The following GABBR1 variants were observed in gnomAD, a reference collection of about 807,000 sequenced individuals.
GABBR1 encodes the protein GABA-B receptor, R1 subunit.
A neutral mutation model predicts 117.7 loss-of-function variants in GABBR1; 35 were observed. That is an observed-to-expected ratio of 0.30 (90% confidence interval 0.23 to 0.39). The LOEUF (loss-of-function observed/expected upper bound fraction) is 0.39, where lower values mean the gene tolerates loss of function less well. GABBR1 is among the 10% of genes least tolerant of loss of function. GABBR1 has a pLI of 1.00. For missense variants in GABBR1, 709 were observed against 1,241.8 expected, an observed-to-expected ratio of 0.57 and a Z score of 6.45; for synonymous variants, 442 against 486.6, an observed-to-expected ratio of 0.91 and a Z score of 1.21.
Position 29,621,930 on chromosome 6 carries a change from C to T in GABBR1, c.1066-113G>A, listed in dbSNP as rs1317932996. 5 of 1,139,712 alleles carry T rather than the reference C, an allele frequency of 4.4e-6. No homozygotes were observed. The highest frequency in any genetic ancestry group is 5.2e-6 in the Non-Finnish European group (4 of 765,664). 70.6% of individuals were successfully genotyped at this position (1,139,712 alleles called of 1,614,324 possible). A position where few individuals can be genotyped will look rare whatever the true frequency, so the allele number is the denominator to read the frequency against. Reference sequence around the variant, plus strand: ...TCCCAAAGTGCTTAGTGCAGGGTAACGCTCAACGTATAGTGAATAAACGTC... The same window carrying T: ...TCCCAAAGTGCTTAGTGCAGGGTAATGCTCAACGTATAGTGAATAAACGTC... On this transcript the variant is annotated intron_variant, in intron 9 of 22. Transcript: ENST00000377034. The surrounding 1 kb of genome is among the most constrained non-coding windows in gnomAD (Gnocchi z 5.0).
chr6:29,619,116 T>A (rs1763483087), intron 11 of GABBR1, among the ~76,000 whole-genome samples: 1 of 152,222 alleles, frequency 6.6e-6, no homozygotes, highest in African/African-American at 2.4e-5. Context: ...TGATAACCTG[T>A]GAACTAACTA....
rs1225978754 is a variant in GABBR1 at position 29,607,508 on chromosome 6, A to G, written c.1993-290T>C. The stretch of plus-strand genomic sequence containing the variant: ...AACCTCCAACCACTCCCCAATATCT[A>G]TAAGTTATAGCCTGAACACTTCTGG... On this transcript the variant is annotated intron_variant, in intron 16 of 22. Coordinates refer to ENST00000377034, the MANE Select transcript of GABBR1 (RefSeq NM_001470.4). This position sits in a 1 kb window ranked among gnomAD's most constrained non-coding sequence, Gnocchi z 5.0. 6.6e-6 allele frequency among the ~76,000 whole-genome samples: 1 copy of G among 152,050 alleles called. No individual in the cohort carries two copies. The highest frequency in any genetic ancestry group is 1.5e-5 in the Non-Finnish European group (1 of 68,008).
In GABBR1 at chr6:29,604,308, C is replaced by T. The variant is rs547023786; in HGVS notation, c.2712+186G>A. Among the ~76,000 whole-genome samples, 3 of 152,254 alleles carry T rather than the reference C, an allele frequency of 2.0e-5. No homozygotes were observed. The highest frequency in any genetic ancestry group is 2.9e-5 in the Non-Finnish European group (2 of 68,008). Reference sequence around the variant, plus strand: ...CACTGGATTTTGCCTGAGATAGAATCTTGCTCAGCCCTTTCCCCTCCCCTA... The same window carrying T: ...CACTGGATTTTGCCTGAGATAGAATTTTGCTCAGCCCTTTCCCCTCCCCTA... On this transcript the variant is annotated intron_variant, in intron 22 of 22. Transcript: ENST00000377034. This position sits in a 1 kb window ranked among gnomAD's most constrained non-coding sequence, Gnocchi z 5.3.
Position 29,604,575 on chromosome 6 carries a change from C to T in GABBR1, c.2631G>A (p.Gly877=), listed in dbSNP as rs1761756416. Residue 877 remains glycine (G), a synonymous_variant, in exon 22 of 23, where the codon GGG becomes GGA. Coordinates refer to ENST00000377034, the MANE Select transcript of GABBR1 (RefSeq NM_001470.4). This position sits in a 1 kb window ranked among gnomAD's most constrained non-coding sequence, Gnocchi z 5.3. ...CCTCCTCGTTGTTGTTGGTCGATGA[C>T]CCTGTCTTCATGGTGTCCTGCGCCT... ...QSEAQDTMKT[G]SSTNNNEEEK... is the part of the protein sequence containing the mutation. 4 of 1,613,280 alleles carry T rather than the reference C, an allele frequency of 2.5e-6. No homozygotes were observed. Among genetic ancestry groups the T allele is most frequent in the Non-Finnish European group, 3.4e-6 (4 of 1,180,032 alleles).
In GABBR1 at chr6:29,606,596, T is replaced by A. The variant is rs890947725; in HGVS notation, c.2218-112A>T. The stretch of plus-strand genomic sequence containing the variant: ...TTTCCTATGAGACCCTCAATGCTGA[T>A]GCCAAATCTCATTCTAGGCCTAAGA... On this transcript the variant is annotated intron_variant, in intron 18 of 22. Transcript: ENST00000377034. This position sits in a 1 kb window ranked among gnomAD's most constrained non-coding sequence, Gnocchi z 4.5. 1.3e-6 allele frequency: 1 copy of A among 787,646 alleles called. No homozygotes were observed. Among genetic ancestry groups the A allele is most frequent in the Non-Finnish European group, 2.2e-6 (1 of 447,148 alleles). 48.8% of individuals were successfully genotyped at this position (787,646 alleles called of 1,614,324 possible). A position where few individuals can be genotyped will look rare whatever the true frequency, so the allele number is the denominator to read the frequency against.
At position 29,606,535 on chromosome 6, in the gene GABBR1, C is replaced by T. The variant is rs1358249478; in HGVS notation, c.2218-51G>A. The stretch of plus-strand genomic sequence containing the variant: ...AAGATGGTTGCCAGCCTCCCCTCCT[C>T]TCCTCAACGCTTCTCAGTCTCTGGC... On this transcript the variant is annotated intron_variant, in intron 18 of 22. Transcript: ENST00000377034. This position sits in a 1 kb window ranked among gnomAD's most constrained non-coding sequence, Gnocchi z 4.5. 8.4e-7 allele frequency: 1 copy of T among 1,196,626 alleles called. No individual in the cohort carries two copies. Among genetic ancestry groups the T allele is most frequent in the Admixed American group, 1.7e-5 (1 of 59,478 alleles). 74.1% of individuals were successfully genotyped at this position (1,196,626 alleles called of 1,614,324 possible).
intron 5 of GABBR1, 22 bp downstream of exon 5, chr6:29,629,065 C>G: frequency 1.2e-6 from 2 of 1,612,552 alleles, no homozygotes; most frequent in Non-Finnish European, 1.7e-6. Context: ...GCAGTGCGCG[C>G]GGTAAGGGTT....
At position 29,613,736 on chromosome 6, in the gene GABBR1, GCAAA is replaced by G. The variant is rs1399128446; in HGVS notation, c.1324-255_1324-252del. 6.6e-6 allele frequency among the ~76,000 whole-genome samples: 1 copy of G among 152,228 alleles called. No homozygotes were observed. Among genetic ancestry groups the G allele is most frequent in the Non-Finnish European group, 1.5e-5 (1 of 68,044 alleles). Reference sequence around the variant, plus strand: ...TGTGTACAGTTGCTAGCTCAGAACTGCAAACAGAGAATTTTGACAAACACTCTGG... The same window carrying G: ...TGTGTACAGTTGCTAGCTCAGAACTGCAGAGAATTTTGACAAACACTCTGG... On this transcript the variant is annotated intron_variant, in intron 11 of 22. Coordinates refer to ENST00000377034, the MANE Select transcript of GABBR1 (RefSeq NM_001470.4). The surrounding 1 kb of genome is among the most constrained non-coding windows in gnomAD (Gnocchi z 4.1).
chr6:29,618,733 T>A (rs1244726732), intron 11 of GABBR1, among the ~76,000 whole-genome samples: 1 of 152,224 alleles, frequency 6.6e-6, no homozygotes, highest in Non-Finnish European at 1.5e-5. Flanking sequence ...TTTCCACATA[T>A]TGCCCCTAAA....
rs1365684751 is a variant in GABBR1, at chr6:29,604,629, C to A, written c.2577G>T (p.Arg859Ser). 1.2e-6 allele frequency: 2 copies of A among 1,613,248 alleles called. No individual in the cohort carries two copies. The highest frequency in any genetic ancestry group is 1.7e-6 in the Non-Finnish European group (2 of 1,180,032). ...LVVLFVPKMR[R>S]LITRGEWQSE... is the part of the protein sequence containing the mutation. ...ACTGCCATTCCCCTCGGGTGATCAG[C>A]CTGCGCATCTGGGGGCAAATGTTTG... Residue 859 changes from arginine (R) to serine (S), a missense_variant, in exon 22 of 23, where the codon AGG becomes AGT. Coordinates refer to ENST00000377034, the MANE Select transcript of GABBR1 (RefSeq NM_001470.4). This position sits in a 1 kb window ranked among gnomAD's most constrained non-coding sequence, Gnocchi z 5.3.
chr6:29,623,827 C>A lies in GABBR1; in HGVS notation c.792+63G>T. The A allele has an allele frequency of 6.5e-7, 1 of 1,542,478 alleles. No individual in the cohort carries two copies. Among genetic ancestry groups the A allele is most frequent in the Non-Finnish European group, 8.8e-7 (1 of 1,135,668 alleles). On this transcript the variant is annotated intron_variant, in intron 7 of 22. Coordinates refer to ENST00000377034, the MANE Select transcript of GABBR1 (RefSeq NM_001470.4). The surrounding 1 kb of genome is among the most constrained non-coding windows in gnomAD (Gnocchi z 6.2). ...TTCAATACAAACCCACAATCGCCAT[C>A]GTCCCTTCAGTAGAGCTCAAAAGGG...
chr6:29,610,923 C>G lies in GABBR1; in HGVS notation c.1708+1G>C. ...GGAAAATACAAACAAGATCCACTCA[C>G]CAATCCATTTATCTGTTTTGGACCA... On this transcript the variant is annotated splice_donor_variant, in intron 14 of 22. Coordinates refer to ENST00000377034, the MANE Select transcript of GABBR1 (RefSeq NM_001470.4). LOFTEE classifies it high-confidence loss of function. The G allele has an allele frequency of 6.2e-7, 1 of 1,612,112 alleles. No homozygotes were observed. Among genetic ancestry groups the G allele is most frequent in the Non-Finnish European group, 8.5e-7 (1 of 1,179,150 alleles).
Position 29,631,268 on chromosome 6 carries a change from A to G in GABBR1, c.289+128T>C. On this transcript the variant is annotated intron_variant, in intron 3 of 22. Coordinates refer to ENST00000377034, the MANE Select transcript of GABBR1 (RefSeq NM_001470.4). The surrounding 1 kb of genome is among the most constrained non-coding windows in gnomAD (Gnocchi z 5.9). ...GCAAAATTGCTCTTATGTAGTAGTC[A>G]TTCAATAAATGTATTTGTGAATTTT... 1.0e-6 allele frequency: 1 copy of G among 964,694 alleles called. No individual in the cohort carries two copies. Among genetic ancestry groups the G allele is most frequent in the Non-Finnish European group, 1.6e-6 (1 of 630,244 alleles). 59.8% of individuals were successfully genotyped at this position (964,694 alleles called of 1,614,324 possible).
rs776466540 is a variant in GABBR1 at position 29,602,931 on chromosome 6, G to A, written c.*612C>T. On this transcript the variant is annotated 3_prime_UTR_variant, in exon 23 of 23. Coordinates refer to ENST00000377034, the MANE Select transcript of GABBR1 (RefSeq NM_001470.4). ...ACATGAGCATGTTCAGTGGGCACAC[G>A]CAGGAGAGGGGAGGATGCATGTGTG... 11 of 445,104 alleles carry A rather than the reference G, an allele frequency of 2.5e-5. No homozygotes were observed. The highest frequency in any genetic ancestry group is 7.0e-5 in the East Asian group (1 of 14,306). The allele number at this position is 445,104 out of a possible 1,614,324, so 27.6% of individuals were successfully genotyped here.
chr6:29,618,709 T>C (rs933214544), intron 11 of GABBR1, among the ~76,000 whole-genome samples: 1 of 152,202 alleles, frequency 6.6e-6, no homozygotes, highest in Admixed American at 6.5e-5. Context: ...AAAACCACTC[T>C]AACCCACTCT....
Position 29,602,754 on chromosome 6 carries a change from C to T in GABBR1, c.*789G>A, listed in dbSNP as rs1486471529. ...ACGTGTGCAAATAGGAAAGACATGACTCAGCATGCTAGACAAATTGCACAT... is the reference window on the plus strand; with the variant it reads ...ACGTGTGCAAATAGGAAAGACATGATTCAGCATGCTAGACAAATTGCACAT... On this transcript the variant is annotated 3_prime_UTR_variant, in exon 23 of 23. Coordinates refer to ENST00000377034, the MANE Select transcript of GABBR1 (RefSeq NM_001470.4). The T allele has an allele frequency of 5.8e-6, 2 of 342,910 alleles. No individual in the cohort carries two copies. Among genetic ancestry groups the T allele is most frequent in the Non-Finnish European group, 1.1e-5 (2 of 175,342 alleles). The allele number at this position is 342,910 out of a possible 1,614,324, so 21.2% of individuals were successfully genotyped here. A position where few individuals can be genotyped will look rare whatever the true frequency, so the allele number is the denominator to read the frequency against.
intron 11 of GABBR1, among the ~76,000 whole-genome samples, chr6:29,614,868 C>T (rs74294678): frequency 0.014 from 2,006 of 147,108 alleles, 32 homozygotes; most frequent in East Asian, 0.093. Context: ...TCAGTTGTAA[C>T]AAATGTACCA....
Position 29,605,071 on chromosome 6 carries a change from T to A in GABBR1, c.2440-83A>T. On this transcript the variant is annotated intron_variant, in intron 20 of 22. Coordinates refer to ENST00000377034, the MANE Select transcript of GABBR1 (RefSeq NM_001470.4). This position sits in a 1 kb window ranked among gnomAD's most constrained non-coding sequence, Gnocchi z 4.2. ...AGTTTACTTCCCATGGGAGGGAGTC[T>A]ATGCAGACAGTTTCCTGGTGAACTT... 1 of 1,380,852 alleles carries A rather than the reference T, an allele frequency of 7.2e-7. No homozygotes were observed. Among genetic ancestry groups the A allele is most frequent in the Non-Finnish European group, 9.7e-7 (1 of 1,026,504 alleles). The allele number at this position is 1,380,852 out of a possible 1,614,324, so 85.5% of individuals were successfully genotyped here. A position where few individuals can be genotyped will look rare whatever the true frequency, so the allele number is the denominator to read the frequency against.
At position 29,632,464 on chromosome 6, in the gene GABBR1, C is replaced by T; in HGVS notation, c.1-79G>A. The T allele has an allele frequency of 3.4e-6, 4 of 1,189,146 alleles. No homozygotes were observed. Among genetic ancestry groups the T allele is most frequent in the Non-Finnish European group, 4.4e-6 (4 of 904,266 alleles). 73.7% of individuals were successfully genotyped at this position (1,189,146 alleles called of 1,614,324 possible). On this transcript the variant is annotated intron_variant, in intron 1 of 22. Coordinates refer to ENST00000377034, the MANE Select transcript of GABBR1 (RefSeq NM_001470.4). This position sits in a 1 kb window ranked among gnomAD's most constrained non-coding sequence, Gnocchi z 5.8. ...ACCCGGAGACTACTCGACCTCTTGC[C>T]GGTTGCCTCGCAGGCTCCGACCGGG... is the stretch of plus-strand genomic sequence containing the variant.
Sources: allele counts gnomAD v4.1 joint callset (sites outside exome capture counted in the v4.1 genomes callset), GRCh38; gene constraint gnomAD v4.1.1; non-coding constraint Gnocchi (gnomAD v3.1); transcripts MANE v1.5; gene names NCBI Gene and HGNC (gene_info 2026-07-23, HGNC 2026-07-21).